The following SOCS5 variants were observed in gnomAD, a reference collection of about 807,000 sequenced individuals.
The protein encoded by SOCS5 is CIS-6.
SOCS5 carries 32 observed loss-of-function variants against 42.8 expected under a neutral mutation model. That is an observed-to-expected ratio of 0.75 (90% CI 0.56 to 1.01). The LOEUF is 1.01. Among genes scored for constraint, SOCS5 ranks in the 50% least tolerant of loss-of-function variants. The pLI, the probability that SOCS5 is intolerant of heterozygous loss-of-function variation, is 0.00. For synonymous variants in SOCS5, 283 were observed against 229.6 expected, an observed-to-expected ratio of 1.23 and a Z score of -2.10; for missense variants, 627 against 653.0, an observed-to-expected ratio of 0.96 and a Z score of 0.43.
intron 1 of SOCS5, among the ~76,000 whole-genome samples, chr2:46,746,646 CAAA>C (rs555249093): frequency 7.7e-6 from 1 of 129,982 alleles, no homozygotes; most frequent in Non-Finnish European, 1.7e-5. Flanking sequence ...GACTCCATCT[CAAA>C]AAAAAAAAAA....
intron 1 of SOCS5, among the ~76,000 whole-genome samples, chr2:46,727,258 C>G (rs1392786165): frequency 1.3e-5 from 2 of 151,296 alleles, no homozygotes; most frequent in African/African-American, 4.9e-5. Context: ...ACGCCATTCT[C>G]CTGCCTCAGC....
intron 1 of SOCS5, among the ~76,000 whole-genome samples, chr2:46,742,818 A>C (rs913561690): frequency 6.6e-6 from 1 of 151,854 alleles, no homozygotes; most frequent in Admixed American, 6.6e-5. Context: ...GGCACATACC[A>C]CTATACCTGG....
At chr2:46,722,073 A>G (rs1330947448) in intron 1 of SOCS5, among the ~76,000 whole-genome samples, 3 of 151,998 alleles carry the variant, frequency 2.0e-5, no homozygotes, top group Admixed American at 6.6e-5. Flanking sequence ...TTGATTGTAT[A>G]TACTCTGTTT....
At chr2:46,713,535 T>A (rs889425382) in intron 1 of SOCS5, among the ~76,000 whole-genome samples, 1 of 152,230 alleles carries the variant, frequency 6.6e-6, no homozygotes, top group African/African-American at 2.4e-5. Context: ...AGATTGGATG[T>A]CTTTTTCCTT....
chr2:46,720,948 G>T (rs1329099182), intron 1 of SOCS5, among the ~76,000 whole-genome samples: 2 of 152,134 alleles, frequency 1.3e-5, no homozygotes, highest in South Asian at 4.1e-4. Flanking sequence ...GTCCCGAGGT[G>T]CAGACATCCT....
chr2:46,741,358 A>T (rs867564809), intron 1 of SOCS5, among the ~76,000 whole-genome samples: 2 of 152,056 alleles, frequency 1.3e-5, no homozygotes, highest in Non-Finnish European at 2.9e-5. Context: ...TTTTACCTCA[A>T]TGTCCAAGTA....
intron 1 of SOCS5, among the ~76,000 whole-genome samples, chr2:46,721,205 A>G (rs1672877252): frequency 6.6e-6 from 1 of 152,094 alleles, no homozygotes; most frequent in South Asian, 2.1e-4. Context: ...AGACTTATTA[A>G]AGAATGTTTT....
At chr2:46,734,331 G>T (rs1673194966) in intron 1 of SOCS5, among the ~76,000 whole-genome samples, 2 of 152,092 alleles carry the variant, frequency 1.3e-5, no homozygotes, top group Admixed American at 1.3e-4. Context: ...CTTTGAGAGG[G>T]GTCAGATCAT....
chr2:46,704,497 T>A (rs1672417373), intron 1 of SOCS5, among the ~76,000 whole-genome samples: 1 of 152,174 alleles, frequency 6.6e-6, no homozygotes, highest in African/African-American at 2.4e-5. Flanking sequence ...GAGAAAAGTG[T>A]TGAGGTAAAC....
chr2:46,714,945 A>G (rs185600658), intron 1 of SOCS5, among the ~76,000 whole-genome samples: 7 of 152,202 alleles, frequency 4.6e-5, no homozygotes, highest in Admixed American at 4.6e-4. Context: ...ATTTGCCTTC[A>G]ACTAATATTT....
chr2:46,737,994 A>T (rs1673290642), intron 1 of SOCS5, among the ~76,000 whole-genome samples: 1 of 152,204 alleles, frequency 6.6e-6, no homozygotes, highest in African/African-American at 2.4e-5. Context: ...AAATGATCTG[A>T]AAAGGTGAGA....
At chr2:46,749,064 C>T (rs1028519085) in intron 1 of SOCS5, among the ~76,000 whole-genome samples, 3 of 152,174 alleles carry the variant, frequency 2.0e-5, no homozygotes, top group Non-Finnish European at 4.4e-5. Flanking sequence ...CATTGATGCC[C>T]TGTGCTCTAG....
At chr2:46,757,170 G>T (rs1044581224) in intron 1 of SOCS5, among the ~76,000 whole-genome samples, 1 of 152,166 alleles carries the variant, frequency 6.6e-6, no homozygotes, top group Admixed American at 6.5e-5. Context: ...TTCTAAGAAA[G>T]TTTATTCTCT....
chr2:46,715,206 A>T (rs977886070), intron 1 of SOCS5, among the ~76,000 whole-genome samples: 17 of 151,836 alleles, frequency 1.1e-4, no homozygotes, highest in African/African-American at 4.1e-4. Flanking sequence ...CAGTATCTAT[A>T]AAAAAATAAC....
chr2:46,761,106 C>G lies in SOCS5; in HGVS notation c.*965C>G, dbSNP rs1421362909. 6.0e-6 allele frequency: 1 copy of G among 167,088 alleles called. No individual in the cohort carries two copies. The highest frequency in any genetic ancestry group is 1.5e-5 in the Non-Finnish European group (1 of 68,112). 10.4% of individuals were successfully genotyped at this position (167,088 alleles called of 1,614,324 possible). A position where few individuals can be genotyped will look rare whatever the true frequency, so the allele number is the denominator to read the frequency against. On this transcript the variant is annotated 3_prime_UTR_variant, in exon 2 of 2. Coordinates refer to ENST00000394861, the MANE Select transcript of SOCS5 (RefSeq NM_144949.3). ...AATTTATCTCTTTTTTGTAAACTCT[C>G]ATAACTGAATTGCTTAAGTATAATT...
chr2:46,699,847 C>T lies in SOCS5; in HGVS notation c.-13+398C>T, dbSNP rs1672302770. Among the ~76,000 whole-genome samples, 1 of 151,958 alleles carries T rather than the reference C, an allele frequency of 6.6e-6. No homozygotes were observed. Among genetic ancestry groups the T allele is most frequent in the Admixed American group, 6.6e-5 (1 of 15,248 alleles). Reference sequence around the variant, plus strand: ...AGGCCACCGGAGACTGAAGCAGTTACACAGGCTGCAGGGAAGGGAGCACCG... The same window carrying T: ...AGGCCACCGGAGACTGAAGCAGTTATACAGGCTGCAGGGAAGGGAGCACCG... On this transcript the variant is annotated intron_variant, in intron 1 of 1. Coordinates refer to ENST00000394861, the MANE Select transcript of SOCS5 (RefSeq NM_144949.3). This position sits in a 1 kb window ranked among gnomAD's most constrained non-coding sequence, Gnocchi z 4.8.
intron 1 of SOCS5, among the ~76,000 whole-genome samples, chr2:46,738,754 A>G (rs1375385074): frequency 6.6e-6 from 1 of 152,084 alleles, no homozygotes. Flanking sequence ...TAAGTCAAAT[A>G]AAATTTTTTT....
intron 1 of SOCS5, among the ~76,000 whole-genome samples, chr2:46,714,408 A>C (rs1672693788): frequency 6.6e-6 from 1 of 152,222 alleles, no homozygotes; most frequent in Non-Finnish European, 1.5e-5. Flanking sequence ...CCTTTATCCC[A>C]GGTAGTTTCC....
At chr2:46,736,510 A>G (rs909200822) in intron 1 of SOCS5, among the ~76,000 whole-genome samples, 17 of 152,138 alleles carry the variant, frequency 1.1e-4, no homozygotes, top group African/African-American at 4.1e-4. Flanking sequence ...CCTGGAAACT[A>G]CCATTCTACT....
Sources: allele counts gnomAD v4.1 joint callset (sites outside exome capture counted in the v4.1 genomes callset), GRCh38; gene constraint gnomAD v4.1.1; non-coding constraint Gnocchi (gnomAD v3.1); transcripts MANE v1.5; gene names NCBI Gene and HGNC (gene_info 2026-07-23, HGNC 2026-07-21).